RANBP2: variants seen among roughly 807,000 people sequenced by gnomAD.
RANBP2 encodes RAN binding protein 2, also known as E3 SUMO-protein ligase RanBP2.
RANBP2 carries 57 observed loss-of-function variants against 303.6 expected under a neutral mutation model. The ratio of observed to expected loss-of-function variants is 0.19; its 90% CI spans 0.15 to 0.23. The LOEUF is 0.23. Among genes scored for constraint, RANBP2 ranks in the 10% least tolerant of loss-of-function variants. RANBP2 has a pLI of 1.00. For missense variants in RANBP2, 3,138 were observed against 3,780.8 expected (o/e 0.83, Z 4.46); for synonymous variants, 1,167 against 1,301.5 (o/e 0.90, Z 2.23).
the RANBP2 span, among the ~76,000 whole-genome samples, chr2:109,358,985 T>A: frequency 2.6e-5 from 4 of 152,004 alleles, no homozygotes; most frequent in Admixed American, 1.3e-4. Flanking sequence ...TATTTCTAGA[T>A]TTTTTGCATG....
At chr2:109,481,723 T>C in the RANBP2 span, among the ~76,000 whole-genome samples, 1 of 152,234 alleles carries the variant, frequency 6.6e-6, no homozygotes, top group South Asian at 2.1e-4. Context: ...GAGAGCACAC[T>C]AAGTGCAGAC....
the RANBP2 span, among the ~76,000 whole-genome samples, chr2:109,436,005 G>A: frequency 2.6e-5 from 4 of 152,102 alleles, no homozygotes; most frequent in East Asian, 1.9e-4. Context: ...CTGTGTTGCC[G>A]GGAGCTTCCC....
At chr2:108,800,327 C>G in the RANBP2 span, among the ~76,000 whole-genome samples, 1 of 152,102 alleles carries the variant, frequency 6.6e-6, no homozygotes, top group Admixed American at 6.5e-5. Flanking sequence ...TACAGTGGCA[C>G]GATCTCGGCT....
At chr2:108,987,867 G>C in the RANBP2 span, among the ~76,000 whole-genome samples, 1 of 152,200 alleles carries the variant, frequency 6.6e-6, no homozygotes, top group African/African-American at 2.4e-5. Flanking sequence ...GGTTTTAAGT[G>C]GCTATGACTT....
chr2:109,608,458 A>T, the RANBP2 span, among the ~76,000 whole-genome samples: 1 of 152,236 alleles, frequency 6.6e-6, no homozygotes, highest in South Asian at 2.1e-4. Context: ...GGAGGAAGGT[A>T]AAGGAAATCA....
the RANBP2 span, among the ~76,000 whole-genome samples, chr2:108,954,783 C>T: frequency 6.6e-6 from 1 of 152,142 alleles, no homozygotes; most frequent in East Asian, 1.9e-4. Flanking sequence ...TCAAGCGATT[C>T]TCCTGTCTCA....
At chr2:109,219,652 T>C in the RANBP2 span, among the ~76,000 whole-genome samples, 1 of 152,230 alleles carries the variant, frequency 6.6e-6, no homozygotes, top group East Asian at 1.9e-4. Flanking sequence ...TTCTATAGAC[T>C]TGAACAATCC....
downstream of RANBP2, among the ~76,000 whole-genome samples, chr2:108,789,953 A>G (rs1432946319): frequency 6.6e-6 from 1 of 152,260 alleles, no homozygotes; most frequent in African/African-American, 2.4e-5. Context: ...ATGTATCCAT[A>G]TATAACATGA....
chr2:108,880,210 CAAACA>C, the RANBP2 span, among the ~76,000 whole-genome samples: 1 of 6,914 alleles, frequency 1.4e-4, no homozygotes, highest in Non-Finnish European at 2.4e-4. Flanking sequence ...AAAACAACAA[CAAACA>C]AAAACAAACA....
In RANBP2 at chr2:108,782,593, A is replaced by G; in HGVS notation, c.9100A>G (p.Lys3034Glu). 1 of 1,614,258 alleles carries G rather than the reference A, an allele frequency of 6.2e-7. No homozygotes were observed. The highest frequency in any genetic ancestry group is 1.6e-4 in the Middle Eastern group (1 of 6,062). The change falls in exon 28 of 29, where the codon AAG becomes GAG. Residue 3034 changes from lysine to glutamate, a missense_variant. Lys to Glu is a moderately conservative substitution (Grantham distance 56). Coordinates refer to ENST00000283195, the MANE Select transcript of RANBP2 (RefSeq NM_006267.5). ...FKTKEVADCF[K>E]KTFEECQQNL... The stretch of plus-strand genomic sequence containing the variant: ...AACTAAAGAAGTAGCTGATTGTTTC[A>G]AGAAAACATTTGAAGAATGTCAGCA...
At chr2:109,501,323 A>C in the RANBP2 span, among the ~76,000 whole-genome samples, 1 of 152,172 alleles carries the variant, frequency 6.6e-6, no homozygotes, top group Non-Finnish European at 1.5e-5. Flanking sequence ...AATTTTTTTT[A>C]TTAAAAAATG....
At chr2:109,213,966 C>T in the RANBP2 span, among the ~76,000 whole-genome samples, 2 of 152,324 alleles carry the variant, frequency 1.3e-5, no homozygotes, top group African/African-American at 4.8e-5. Flanking sequence ...GGAGCAGTCC[C>T]TGCAAAAGAC....
the RANBP2 span, among the ~76,000 whole-genome samples, chr2:109,328,298 C>A: frequency 2.6e-5 from 4 of 152,198 alleles, no homozygotes; most frequent in African/African-American, 9.7e-5. Context: ...TCTCTTACTT[C>A]TTTCTATTTC....
chr2:109,066,970 C>T, the RANBP2 span, among the ~76,000 whole-genome samples: 2 of 151,854 alleles, frequency 1.3e-5, no homozygotes, highest in Admixed American at 6.6e-5. Flanking sequence ...TTTTGTAAAG[C>T]GCACAAGACG....
the RANBP2 span, among the ~76,000 whole-genome samples, chr2:109,591,332 G>GA: frequency 6.6e-6 from 1 of 152,034 alleles, no homozygotes; most frequent in Non-Finnish European, 1.5e-5. Flanking sequence ...AATGTCACTG[G>GA]AAAAAAGCAT....
chr2:108,930,779 A>G, the RANBP2 span, among the ~76,000 whole-genome samples: 4 of 152,202 alleles, frequency 2.6e-5, no homozygotes, highest in Non-Finnish European at 5.9e-5. Flanking sequence ...CAACGAAATC[A>G]ATGTAACTTC....
the RANBP2 span, among the ~76,000 whole-genome samples, chr2:109,734,654 A>G: frequency 3.7e-4 from 56 of 152,254 alleles, 1 homozygote; most frequent in East Asian, 9.6e-3. Context: ...TCAAATTTAC[A>G]TAAAATTGAA....
At chr2:108,931,479 A>G in the RANBP2 span, among the ~76,000 whole-genome samples, 2 of 152,186 alleles carry the variant, frequency 1.3e-5, no homozygotes, top group African/African-American at 4.8e-5. Flanking sequence ...TCCCAGCCCC[A>G]GCTTAGTGTT....
Position 108,782,845 on chromosome 2 carries a change from C to T in RANBP2, c.9352C>T (p.Pro3118Ser). 6.2e-7 allele frequency: 1 copy of T among 1,613,382 alleles called. No individual in the cohort carries two copies. The highest frequency in any genetic ancestry group is 8.5e-7 in the Non-Finnish European group (1 of 1,179,844). ...FKNSIFHRVIPDFVCQGGDIT... is the reference protein window; with the variant it reads ...FKNSIFHRVISDFVCQGGDIT... Reference sequence around the variant, plus strand: ...GAATTCCATTTTTCACAGAGTAATTCCAGATTTTGTTTGCCAAGTAGGTAT... The same window carrying T: ...GAATTCCATTTTTCACAGAGTAATTTCAGATTTTGTTTGCCAAGTAGGTAT... Residue 3118 changes from proline to serine, a missense_variant, in exon 28 of 29, where the codon CCA becomes TCA. Physicochemically the swap from Pro to Ser is moderately conservative, Grantham distance 74 (BLOSUM62 -1). Around this residue, in one of 20 missense-constraint regions of RANBP2, gnomAD observed 204 missense variants for 228.4 expected, o/e 0.89. Transcript: ENST00000283195.
Sources: gnomAD v4.1 joint callset for allele counts (sites outside exome capture counted in the v4.1 genomes callset) on GRCh38, gnomAD v4.1.1 for gene constraint, gnomAD v4.1.1 regional missense constraint, MANE v1.5 for transcripts, NCBI Gene and HGNC (gene_info 2026-07-23, HGNC 2026-07-21) for gene names.